TOM1L1: variants seen among roughly 807,000 people sequenced by gnomAD.
TOM1L1 encodes target of myb1 like 1 membrane trafficking protein, also known as TOM1-like protein 1.
A neutral mutation model predicts 63.4 loss-of-function variants in TOM1L1; 64 were observed. The observed-to-expected ratio is 1.01, with a 90% CI of 0.83 to 1.24. The LOEUF (loss-of-function observed/expected upper bound fraction) is 1.24. TOM1L1 is among the 50% of genes most tolerant of loss of function. The pLI, the probability that TOM1L1 is intolerant of heterozygous loss-of-function variation, is 0.00. For synonymous variants in TOM1L1, 166 were observed against 194.4 expected, an observed-to-expected ratio of 0.85 and a Z score of 1.22; for missense variants, 536 against 567.0, an observed-to-expected ratio of 0.95 and a Z score of 0.55.
chr17:54,954,085 C>T (rs2049369911), intron 14 of TOM1L1: 1 of 152,056 alleles, frequency 6.6e-6, no homozygotes, highest in Non-Finnish European at 1.5e-5. Context: ...CACTGGGGTC[C>T]CAGTTTGGGT....
At chr17:54,926,391 A>G (rs2048769464) in intron 7 of TOM1L1, among the ~76,000 whole-genome samples, 1 of 152,182 alleles carries the variant, frequency 6.6e-6, no homozygotes, top group African/African-American at 2.4e-5. Flanking sequence ...TTATGTACTC[A>G]GCTTTGGGCC....
At chr17:54,940,837 C>A (rs1047019189) in intron 11 of TOM1L1, among the ~76,000 whole-genome samples, 4 of 151,934 alleles carry the variant, frequency 2.6e-5, no homozygotes, top group Admixed American at 1.3e-4. Context: ...TACGTAAGTT[C>A]CAGAAGAGGC....
intron 7 of TOM1L1, among the ~76,000 whole-genome samples, chr17:54,921,734 A>C (rs2048687040): frequency 6.6e-6 from 1 of 152,144 alleles, no homozygotes; most frequent in African/African-American, 2.4e-5. Context: ...CCATCTCAAA[A>C]AATAAAAATA....
chr17:54,913,609 T>A lies in TOM1L1; in HGVS notation c.373-139T>A, dbSNP rs944937842. On this transcript the variant is annotated intron_variant, in intron 4 of 15. Coordinates refer to ENST00000575882, the MANE Select transcript of TOM1L1 (RefSeq NM_005486.3). ...TGAACCCAGGAGGCGGAGATTGCAA[T>A]GAGCAGAGATTGTGCCATTGCACTC... 9.3e-6 allele frequency: 8 copies of A among 861,690 alleles called. No homozygotes were observed. The Admixed American group carries it at 2.3e-4, about 24-fold the overall frequency. 53.4% of individuals were successfully genotyped at this position (861,690 alleles called of 1,614,324 possible). A position where few individuals can be genotyped will look rare whatever the true frequency, so the allele number is the denominator to read the frequency against.
chr17:54,930,124 G>C lies in TOM1L1; in HGVS notation c.772G>C (p.Val258Leu). 1.2e-6 allele frequency: 2 copies of C among 1,614,130 alleles called. No individual in the cohort carries two copies. The highest frequency in any genetic ancestry group is 1.7e-6 in the Non-Finnish European group (2 of 1,179,996). ...GCAGGAGAGGATCATGGACCTGCTT[G>C]TGGTGGTGGAGAACGAAGATGTAAC... Reference protein sequence around the residue: ...EMQERIMDLLVVVENEDVTVE... With the variant: ...EMQERIMDLLLVVENEDVTVE... The change falls in exon 8 of 16, where the codon GTG becomes CTG. Residue 258 changes from valine to leucine, a missense_variant. Transcript: ENST00000575882.
intron 11 of TOM1L1, among the ~76,000 whole-genome samples, chr17:54,939,888 C>G (rs930124609): frequency 2.6e-5 from 4 of 152,110 alleles, no homozygotes; most frequent in African/African-American, 9.7e-5. Flanking sequence ...ACTGAGATTT[C>G]TTGGTCATTT....
intron 7 of TOM1L1, among the ~76,000 whole-genome samples, chr17:54,926,012 T>C (rs2048763442): frequency 6.6e-6 from 1 of 152,220 alleles, no homozygotes; most frequent in African/African-American, 2.4e-5. Context: ...TTGGAACCTA[T>C]TCCTTGTCTG....
chr17:54,906,046 TGTA>T (rs2048403014), intron 3 of TOM1L1, among the ~76,000 whole-genome samples: 1 of 152,164 alleles, frequency 6.6e-6, no homozygotes, highest in Non-Finnish European at 1.5e-5. Flanking sequence ...GGCCTGCATC[TGTA>T]GTCCCAGCCA....
intron 14 of TOM1L1, among the ~76,000 whole-genome samples, chr17:54,960,117 CT>C (rs1219649504): frequency 6.6e-6 from 1 of 152,064 alleles, no homozygotes; most frequent in African/African-American, 2.4e-5. Flanking sequence ...AATCCCAGCA[CT>C]TTGGGAGGCC....
Position 54,947,281 on chromosome 17 carries a change from A to T in TOM1L1, c.1151A>T (p.Gln384Leu), listed in dbSNP as rs758083578. 2.5e-6 allele frequency: 4 copies of T among 1,614,176 alleles called. No individual in the cohort carries two copies. In the South Asian group the frequency reaches 4.4e-5, roughly 18 times the overall value. The change falls in exon 12 of 16, where the codon CAA becomes CTA. Residue 384 changes from glutamine to leucine, a missense_variant. Gln to Leu is a moderately radical substitution (Grantham distance 113). Transcript: ENST00000575882. ...CCTAGGTTTGCCCAAAGGACCAGCC[A>T]AAACCTCACCTCAAGCCACGCATAT... is the stretch of plus-strand genomic sequence containing the variant. ...EIPPFAQRTS[Q>L]NLTSSHAYDN...
intron 8 of TOM1L1, among the ~76,000 whole-genome samples, chr17:54,931,788 GT>G (rs1351765028): frequency 2.0e-5 from 3 of 152,026 alleles, no homozygotes; most frequent in Non-Finnish European, 4.4e-5. Flanking sequence ...GGGTGACAGA[GT>G]GAGACCCTGT....
At chr17:54,959,823 T>C (rs1025035200) in intron 14 of TOM1L1, among the ~76,000 whole-genome samples, 8 of 151,966 alleles carry the variant, frequency 5.3e-5, no homozygotes, top group African/African-American at 1.9e-4. Context: ...TGCCATGTTG[T>C]TCATACTGGT....
At chr17:54,960,796 G>T (rs901421344) in intron 15 of TOM1L1, among the ~76,000 whole-genome samples, 169 bp downstream of exon 15, 1 of 152,144 alleles carries the variant, frequency 6.6e-6, no homozygotes, top group Non-Finnish European at 1.5e-5. Context: ...GTTCACTAAT[G>T]AGAGTCATTC....
intron 13 of TOM1L1, among the ~76,000 whole-genome samples, 180 bp from the exon 14 acceptor site, chr17:54,949,865 T>C (rs2049183907): frequency 6.6e-6 from 1 of 152,020 alleles, no homozygotes; most frequent in Non-Finnish European, 1.5e-5. Context: ...TAGTTGAGGT[T>C]TGGAAACCTT....
intron 1 of TOM1L1, chr17:54,901,164 G>T (rs937653962): frequency 3.3e-6 from 2 of 598,680 alleles, no homozygotes; most frequent in Admixed American, 5.8e-5. Flanking sequence ...ATGCCGCCTG[G>T]GGAGTGGAAC....
At position 54,949,514 on chromosome 17, in the gene TOM1L1, T is replaced by G. The variant is rs748147540; in HGVS notation, c.1183-4T>G. 56 of 1,610,708 alleles carry G rather than the reference T, an allele frequency of 3.5e-5. No individual in the cohort carries two copies. The highest frequency in any genetic ancestry group is 4.6e-5 in the Non-Finnish European group (54 of 1,176,926). ...TATATGAACATGTGTTATGCTTTCT[T>G]CAGTTTCTGGAACATTCAAATTCAG... On this transcript the variant is annotated splice_region_variant and splice_polypyrimidine_tract_variant and intron_variant, in intron 12 of 15. Transcript: ENST00000575882.
At chr17:54,947,209 C>T in intron 11 of TOM1L1, 52 bp from the exon 12 acceptor site, 1 of 1,560,358 alleles carries the variant, frequency 6.4e-7, no homozygotes, top group Non-Finnish European at 8.8e-7. Flanking sequence ...TTACTTTTTG[C>T]ATTTGTGTTC....
At chr17:54,939,359 C>G (rs188789781) in intron 11 of TOM1L1, among the ~76,000 whole-genome samples, 1 of 152,200 alleles carries the variant, frequency 6.6e-6, no homozygotes, top group Admixed American at 6.5e-5. Flanking sequence ...ACATAGTAAG[C>G]CTTCAATAAA....
At chr17:54,928,853 T>G (rs2048811416) in intron 7 of TOM1L1, among the ~76,000 whole-genome samples, 2 of 152,220 alleles carry the variant, frequency 1.3e-5, no homozygotes. Flanking sequence ...TTCAATATTT[T>G]TTGTTATGAT....
Sources: allele counts gnomAD v4.1 joint callset (sites outside exome capture counted in the v4.1 genomes callset), GRCh38; gene constraint gnomAD v4.1.1; transcripts MANE v1.5; gene names NCBI Gene and HGNC (gene_info 2026-07-23, HGNC 2026-07-21).